Variants in AGMO observed in about 807,000 individuals in gnomAD.
The protein encoded by AGMO is alkylglycerol monooxygenase.
AGMO carries 75 observed loss-of-function variants against 60.2 expected under a neutral mutation model. The observed-to-expected ratio is 1.25, with a 90% confidence interval of 1.03 to 1.51. AGMO has a LOEUF of 1.51. Among genes scored for constraint, AGMO ranks in the 40% most tolerant of loss-of-function variants. The probability of loss-of-function intolerance (pLI) is 0.00; values close to 1 mark genes in which losing one functional copy is unlikely to be tolerated. For synonymous variants in AGMO, 261 were observed against 177.1 expected (o/e 1.47, Z -3.76); for missense variants, 763 against 525.5 (o/e 1.45, Z -4.42).
chr7:15,477,196 G>C (rs1277714752), intron 3 of AGMO, among the ~76,000 whole-genome samples: 2 of 152,002 alleles, frequency 1.3e-5, no homozygotes, highest in African/African-American at 2.4e-5. Flanking sequence ...AGAATTTTAA[G>C]TTAAAGGTAT....
chr7:15,542,580 G>A (rs1281525190), intron 3 of AGMO, among the ~76,000 whole-genome samples: 1 of 152,126 alleles, frequency 6.6e-6, no homozygotes, highest in East Asian at 1.9e-4. Flanking sequence ...GCGGCATGAG[G>A]AAGGTTCTTG....
At chr7:15,430,968 T>A in intron 4 of AGMO, 37 bp downstream of exon 4, 1 of 1,067,244 alleles carries the variant, frequency 9.4e-7, no homozygotes. Context: ...TAAAAACAAA[T>A]TAGATTACCA....
chr7:15,342,434 C>G, intron 12 of AGMO, among the ~76,000 whole-genome samples: 1 of 151,928 alleles, frequency 6.6e-6, no homozygotes. Context: ...TCTTTAAAAT[C>G]CGGTGCTAAT....
At chr7:15,527,423 C>G (rs151229127) in intron 3 of AGMO, among the ~76,000 whole-genome samples, 1 of 152,286 alleles carries the variant, frequency 6.6e-6, no homozygotes, top group South Asian at 2.1e-4. Context: ...GACCCTAAGT[C>G]TCTTCAATTT....
intron 12 of AGMO, among the ~76,000 whole-genome samples, chr7:15,202,030 T>C (rs763410061): frequency 3.9e-5 from 6 of 152,120 alleles, no homozygotes; most frequent in Non-Finnish European, 7.4e-5. Context: ...TGCTCTTACC[T>C]AGGCACCGAC....
chr7:15,520,829 G>T (rs1268666417), intron 3 of AGMO, among the ~76,000 whole-genome samples: 2 of 151,782 alleles, frequency 1.3e-5, no homozygotes, highest in South Asian at 4.2e-4. Flanking sequence ...AACTAGCAGA[G>T]GACAAGAAAT....
Position 15,390,824 on chromosome 7 carries a change from A to C in AGMO, c.742+16T>G. 6.3e-7 allele frequency: 1 copy of C among 1,594,584 alleles called. No individual in the cohort carries two copies. The highest frequency in any genetic ancestry group is 8.6e-7 in the Non-Finnish European group (1 of 1,164,424). ...GGAGCTGATTTAATTTTTTGATTTTAATACATTTTACTTACCAAAAATTTT... is the reference window on the plus strand; with the variant it reads ...GGAGCTGATTTAATTTTTTGATTTTCATACATTTTACTTACCAAAAATTTT... On this transcript the variant is annotated intron_variant, in intron 7 of 12. Transcript: ENST00000342526.
At chr7:15,430,340 C>G (rs1781191982) in intron 4 of AGMO, among the ~76,000 whole-genome samples, 1 of 151,722 alleles carries the variant, frequency 6.6e-6, no homozygotes, top group African/African-American at 2.4e-5. Context: ...GTTCAACATA[C>G]ATTTCAGTAT....
chr7:15,551,817 T>C (rs1403290014), intron 2 of AGMO, among the ~76,000 whole-genome samples: 2 of 152,048 alleles, frequency 1.3e-5, no homozygotes, highest in Non-Finnish European at 2.9e-5. Flanking sequence ...GGAAAAAAAC[T>C]ACTTTAAAGT....
At chr7:15,466,883 A>T (rs1782308449) in intron 3 of AGMO, among the ~76,000 whole-genome samples, 1 of 152,136 alleles carries the variant, frequency 6.6e-6, no homozygotes, top group Non-Finnish European at 1.5e-5. Context: ...GTCTTCTACT[A>T]TGTAAACAAT....
the AGMO span, among the ~76,000 whole-genome samples, chr7:15,161,602 C>T: frequency 6.8e-6 from 1 of 147,820 alleles, no homozygotes; most frequent in African/African-American, 2.5e-5. Flanking sequence ...TATATGTATC[C>T]ATCTATAATC....
At chr7:15,322,965 G>T (rs1167278480) in intron 12 of AGMO, among the ~76,000 whole-genome samples, 1 of 70,086 alleles carries the variant, frequency 1.4e-5, no homozygotes, top group African/African-American at 7.2e-5. Context: ...TAACACGTGT[G>T]TGTATATATA....
the AGMO span, among the ~76,000 whole-genome samples, chr7:15,162,452 G>A: frequency 6.6e-6 from 1 of 152,072 alleles, no homozygotes; most frequent in African/African-American, 2.4e-5. Context: ...CAGCATTTTG[G>A]AAGGCTGGGA....
At chr7:15,207,106 T>C (rs58722496) in intron 12 of AGMO, among the ~76,000 whole-genome samples, 22,164 of 152,226 alleles carry the variant, frequency 0.15, 1,839 homozygotes, top group South Asian at 0.24. Context: ...GCATTTCAAC[T>C]ATCACGATAA....
At chr7:15,395,224 T>G (rs1472138470) in intron 5 of AGMO, among the ~76,000 whole-genome samples, 1 of 152,146 alleles carries the variant, frequency 6.6e-6, no homozygotes, top group East Asian at 1.9e-4. Context: ...GGAGGACATA[T>G]GAGGAATAAA....
chr7:15,465,966 T>C (rs1003906652), intron 3 of AGMO, among the ~76,000 whole-genome samples: 1 of 152,172 alleles, frequency 6.6e-6, no homozygotes, highest in African/African-American at 2.4e-5. Flanking sequence ...TATTTTCTCA[T>C]TCATCTAATT....
At chr7:15,454,480 TTACA>T (rs1781946017) in intron 3 of AGMO, among the ~76,000 whole-genome samples, 1 of 152,112 alleles carries the variant, frequency 6.6e-6, no homozygotes, top group Admixed American at 6.6e-5. Context: ...CAAAACACCA[TTACA>T]TACAACTTAA....
At chr7:15,354,457 CACACGTGTGTGT>C (rs1782421925) in intron 12 of AGMO, among the ~76,000 whole-genome samples, 1 of 17,588 alleles carries the variant, frequency 5.7e-5, no homozygotes, top group African/African-American at 3.7e-4. Context: ...TGTGTGTATA[CACACGTGTGTGT>C]ATACACACGT....
intron 5 of AGMO, among the ~76,000 whole-genome samples, chr7:15,394,634 T>G (rs1381199452): frequency 6.6e-6 from 1 of 152,210 alleles, no homozygotes; most frequent in Non-Finnish European, 1.5e-5. Context: ...GTTTTTGCCT[T>G]CCAACTATAG....
Sources: allele counts gnomAD v4.1 joint callset (sites outside exome capture counted in the v4.1 genomes callset), GRCh38; gene constraint gnomAD v4.1.1; transcripts MANE v1.5; gene names NCBI Gene and HGNC (gene_info 2026-07-23, HGNC 2026-07-21).